The following POLR1A variants were observed in gnomAD, a reference collection of about 807,000 sequenced individuals.
POLR1A encodes DNA-directed RNA polymerase I subunit RPA1.
POLR1A carries 84 observed loss-of-function variants against 205.3 expected under a neutral mutation model. The ratio of observed to expected loss-of-function variants is 0.41; its 90% confidence interval spans 0.34 to 0.49. The LOEUF (loss-of-function observed/expected upper bound fraction) is 0.49. POLR1A is among the 20% of genes least tolerant of loss of function. POLR1A has a pLI of 0.22. For synonymous variants in POLR1A, 799 were observed against 863.7 expected, an observed-to-expected ratio of 0.93 and a Z score of 1.31; for missense variants, 1,645 against 2,204.5, an observed-to-expected ratio of 0.75 and a Z score of 5.08.
Position 86,065,293 on chromosome 2 carries a change from G to A in POLR1A, c.2039C>T (p.Pro680Leu), listed in dbSNP as rs188057926. 1,895 of 1,613,934 alleles carry A rather than the reference G, an allele frequency of 1.2e-3. 1 individual carries two copies. Among genetic ancestry groups the A allele is most frequent in the Non-Finnish European group, 1.5e-3 (1,717 of 1,179,954 alleles). The change falls in exon 14 of 34, where the codon CCG (proline) becomes CTG (leucine). Residue 680 changes from proline to leucine, a missense_variant. Transcript: ENST00000263857. ...LLSPSILKPF[P>L]LWTGKQVVST... The stretch of plus-strand genomic sequence containing the variant: ...AATTACCTGTTTTCCTGTCCACAGC[G>A]GAAAGGGCTTCAGGATGGAAGGAGA...
Position 86,028,147 on chromosome 2 carries a change from G to T in POLR1A, c.4898-98C>A. On this transcript the variant is annotated intron_variant, in intron 32 of 33. Coordinates refer to ENST00000263857, the MANE Select transcript of POLR1A (RefSeq NM_015425.6). This position sits in a 1 kb window ranked among gnomAD's most constrained non-coding sequence, Gnocchi z 4.5. Reference sequence around the variant, plus strand: ...CTGCCTCCACATCAGCACATGGCTTGGGAGTTAGACTCTGGGGCTCCCCTT... The same window carrying T: ...CTGCCTCCACATCAGCACATGGCTTTGGAGTTAGACTCTGGGGCTCCCCTT... 1 of 1,179,152 alleles carries T rather than the reference G, an allele frequency of 8.5e-7. No individual in the cohort carries two copies. Among genetic ancestry groups the T allele is most frequent in the Non-Finnish European group, 1.3e-6 (1 of 796,034 alleles). The allele number at this position is 1,179,152 out of a possible 1,614,324, so 73.0% of individuals were successfully genotyped here.
Position 86,045,789 on chromosome 2 carries a change from C to T in POLR1A, c.2734-20G>A, listed in dbSNP as rs763438052. ...CGAGATCTGGAGGACAGGAAATCCACAGGAAACTGAAGATCCACATGTGTG... is the reference window on the plus strand; with the variant it reads ...CGAGATCTGGAGGACAGGAAATCCATAGGAAACTGAAGATCCACATGTGTG... On this transcript the variant is annotated intron_variant, in intron 19 of 33. Transcript: ENST00000263857. 6.3e-6 allele frequency: 10 copies of T among 1,598,118 alleles called. No homozygotes were observed. In the Middle Eastern group the frequency reaches 1.0e-3, roughly 159 times the overall value.
At chr2:86,046,322 C>G (rs1489045892) in intron 19 of POLR1A, among the ~76,000 whole-genome samples, 1 of 152,134 alleles carries the variant, frequency 6.6e-6, no homozygotes, top group African/African-American at 2.4e-5. Flanking sequence ...AAAATGGGAA[C>G]TCAAGCTATT....
Position 86,089,879 on chromosome 2 carries a change from TA to T in POLR1A, c.482del (p.Leu161Ter). ...DPSASEIREE[L>X]EQYTTEIVQN... ...GCACAATTTCAGTTGTGTATTGTTC[TA>T]ATTCCTCCCGAATTTCAGAGGCAGA... is the stretch of plus-strand genomic sequence containing the variant. On this transcript the variant is annotated frameshift_variant, in exon 4 of 34. Transcript: ENST00000263857. LOFTEE classifies it high-confidence loss of function. The T allele has an allele frequency of 6.2e-7, 1 of 1,613,156 alleles. No individual in the cohort carries two copies. Among genetic ancestry groups the T allele is most frequent in the Non-Finnish European group, 8.5e-7 (1 of 1,179,036 alleles).
At chr2:86,080,735 G>T in intron 9 of POLR1A, 81 bp downstream of exon 9, 2 of 1,365,452 alleles carry the variant, frequency 1.5e-6, no homozygotes, top group South Asian at 1.4e-5. Context: ...GCATCTCCCA[G>T]ACCCAGTGTC....
At chr2:86,061,008 C>G (rs1179517517) in intron 14 of POLR1A, among the ~76,000 whole-genome samples, 1 of 152,114 alleles carries the variant, frequency 6.6e-6, no homozygotes, top group Non-Finnish European at 1.5e-5. Flanking sequence ...AGGCACATCA[C>G]AAAAGATGAT....
intron 16 of POLR1A, among the ~76,000 whole-genome samples, chr2:86,051,660 T>C (rs1379801919): frequency 1.3e-5 from 2 of 152,244 alleles, no homozygotes; most frequent in Non-Finnish European, 2.9e-5. Flanking sequence ...GACCCTGCTC[T>C]GTGTACATGG....
At position 86,088,818 on chromosome 2, in the gene POLR1A, G is replaced by A; in HGVS notation, c.593C>T (p.Ala198Val). ...GGGACAGCGCTTAGCATTCATATGT[G>A]CCTTCCAGAAGAGAGCAATGAGCTT... Reference protein sequence around the residue: ...KSKLIALFWKAHMNAKRCPHC... With the variant: ...KSKLIALFWKVHMNAKRCPHC... The change falls in exon 5 of 34, where the codon GCA becomes GTA. Residue 198 changes from alanine (A) to valine (V), a missense_variant. By Grantham distance (64) the Ala-to-Val change is moderately conservative. Around this residue, in one of 16 missense-constraint regions of POLR1A, gnomAD observed 330 missense variants for 375.6 expected, o/e 0.88. Transcript: ENST00000263857. The A allele has an allele frequency of 6.2e-7, 1 of 1,613,984 alleles. No individual in the cohort carries two copies. The highest frequency in any genetic ancestry group is 8.5e-7 in the Non-Finnish European group (1 of 1,179,920).
At chr2:86,040,955 C>T (rs1312688362) in intron 24 of POLR1A, among the ~76,000 whole-genome samples, 1 of 152,162 alleles carries the variant, frequency 6.6e-6, no homozygotes, top group Non-Finnish European at 1.5e-5. Context: ...AAACCTCCTG[C>T]TATAAAAATT....
rs568836479 is a variant in POLR1A at position 86,091,458 on chromosome 2, T to G, written c.433-1529A>C. Among the ~76,000 whole-genome samples the G allele has an allele frequency of 5.6e-4, 85 of 152,124 alleles. No homozygotes were observed. In the Middle Eastern group the frequency reaches 0.01, roughly 18 times the overall value. ...TTTTAAAGGTCAATGACAGACAAACTGTCAAAAATAAATACACAAGGGGAC... is the reference window on the plus strand; with the variant it reads ...TTTTAAAGGTCAATGACAGACAAACGGTCAAAAATAAATACACAAGGGGAC... On this transcript the variant is annotated intron_variant, in intron 3 of 33. Transcript: ENST00000263857.
chr2:86,096,415 G>GA (rs112603127), intron 3 of POLR1A, among the ~76,000 whole-genome samples: 89 of 145,814 alleles, frequency 6.1e-4, no homozygotes, highest in African/African-American at 1.1e-3. Context: ...TGCAGAAACA[G>GA]AAAAAAAAAA....
chr2:86,040,334 C>T, intron 25 of POLR1A, 58 bp downstream of exon 25: 2 of 1,360,578 alleles, frequency 1.5e-6, no homozygotes, highest in Non-Finnish European at 2.0e-6. Flanking sequence ...CATTAAATGG[C>T]CCCTTCTCCA....
At chr2:86,081,265 G>A (rs1414041307) in intron 8 of POLR1A, among the ~76,000 whole-genome samples, 2 of 152,080 alleles carry the variant, frequency 1.3e-5, no homozygotes, top group African/African-American at 2.4e-5. Context: ...GTGTGGTGGT[G>A]CGTGCCTGTA....
At chr2:86,037,690 C>CA (rs1413346104) in intron 27 of POLR1A, among the ~76,000 whole-genome samples, 6 of 152,230 alleles carry the variant, frequency 3.9e-5, no homozygotes, top group Non-Finnish European at 7.3e-5. Flanking sequence ...AGATGAGAAC[C>CA]ATCTGGGCCT....
rs765358583 is a variant in POLR1A, at chr2:86,039,333, C to A, written c.3870G>T (p.Leu1290Phe). ...TGGGAAGGAGAGACGTTACCTCCCC[C>A]AAGCACACCCTGGTGAGTTGCTTCT... Reference protein sequence around the residue: ...SLKKQLTRVCLGEVLQKIDVQ... With the variant: ...SLKKQLTRVCFGEVLQKIDVQ... Residue 1290 changes from leucine to phenylalanine, a missense_variant, in exon 26 of 34, where the codon TTG becomes TTT. Physicochemically the swap from Leu to Phe is conservative, Grantham distance 22. Transcript: ENST00000263857. 1.2e-6 allele frequency: 2 copies of A among 1,613,968 alleles called. No homozygotes were observed. Among genetic ancestry groups the A allele is most frequent in the Admixed American group, 1.7e-5 (1 of 60,014 alleles).
At chr2:86,037,802 G>GA (rs1274964307) in intron 27 of POLR1A, among the ~76,000 whole-genome samples, 1 of 152,014 alleles carries the variant, frequency 6.6e-6, no homozygotes, top group Admixed American at 6.5e-5. Flanking sequence ...ACCCAAGAAA[G>GA]AAAAAAACGT....
intron 14 of POLR1A, among the ~76,000 whole-genome samples, chr2:86,061,600 G>C (rs1287541735): frequency 6.6e-6 from 1 of 152,194 alleles, no homozygotes; most frequent in African/African-American, 2.4e-5. Flanking sequence ...ATTTGTAACA[G>C]TCAAATGAAG....
intron 6 of POLR1A, among the ~76,000 whole-genome samples, chr2:86,083,424 A>G (rs1673440734): frequency 6.6e-6 from 1 of 151,796 alleles, no homozygotes; most frequent in Non-Finnish European, 1.5e-5. Flanking sequence ...TAATCCCATC[A>G]CATTAACAAC....
intron 9 of POLR1A, among the ~76,000 whole-genome samples, chr2:86,080,585 G>A (rs2104421613): frequency 6.6e-6 from 1 of 152,266 alleles, no homozygotes; most frequent in East Asian, 1.9e-4. Context: ...ACCTGGCATG[G>A]TCGTTCGGTG....
Sources: gnomAD v4.1 joint callset for allele counts (sites outside exome capture counted in the v4.1 genomes callset) on GRCh38, gnomAD v4.1.1 for gene constraint, gnomAD v4.1.1 regional missense constraint, Gnocchi (gnomAD v3.1) non-coding constraint, MANE v1.5 for transcripts, NCBI Gene and HGNC (gene_info 2026-07-23, HGNC 2026-07-21) for gene names.